Variants in CSMD1 observed in about 807,000 individuals in gnomAD.
The protein encoded by CSMD1 is CUB and sushi domain-containing protein 1.
Under a neutral mutation model 417.5 loss-of-function variants are expected in CSMD1, and 213 were observed. The ratio of observed to expected loss-of-function variants is 0.51; its 90% CI spans 0.46 to 0.57. The LOEUF is 0.57. CSMD1 is among the 20% of genes least tolerant of loss of function. The pLI is 0.00. For synonymous variants in CSMD1, 2,862 were observed against 1,736.8 expected, an observed-to-expected ratio of 1.65 and a Z score of -16.11; for missense variants, 6,923 against 4,529.7, an observed-to-expected ratio of 1.53 and a Z score of -15.17.
intron 3 of CSMD1, among the ~76,000 whole-genome samples, chr8:4,375,772 G>A (rs947625298): frequency 6.6e-6 from 1 of 152,130 alleles, no homozygotes; most frequent in Non-Finnish European, 1.5e-5. Flanking sequence ...TTTGTACAGT[G>A]ATTTCCCCCT....
intron 1 of CSMD1, among the ~76,000 whole-genome samples, chr8:4,893,816 G>C (rs1229821170): frequency 6.6e-6 from 1 of 152,060 alleles, no homozygotes; most frequent in Non-Finnish European, 1.5e-5. Context: ...TTTAGCATAT[G>C]TTGATATCTG....
chr8:4,652,672 A>G (rs892010711), intron 1 of CSMD1, among the ~76,000 whole-genome samples: 2 of 152,032 alleles, frequency 1.3e-5, no homozygotes, highest in Admixed American at 6.6e-5. Context: ...AAAAAGACAG[A>G]TTCGCCACAG....
chr8:4,132,310 C>T (rs560085245), intron 3 of CSMD1, among the ~76,000 whole-genome samples: 2 of 150,340 alleles, frequency 1.3e-5, no homozygotes, highest in Non-Finnish European at 2.9e-5. Context: ...TAAACTCAGA[C>T]TGAGCAAGAC....
intron 3 of CSMD1, among the ~76,000 whole-genome samples, chr8:4,036,821 C>G (rs1206447750): frequency 2.0e-5 from 3 of 152,238 alleles, no homozygotes; most frequent in African/African-American, 4.8e-5. Flanking sequence ...TAAATAGATT[C>G]CTGACCAGGG....
intron 3 of CSMD1, among the ~76,000 whole-genome samples, chr8:4,040,261 C>A (rs1311593747): frequency 1.3e-5 from 2 of 152,134 alleles, no homozygotes; most frequent in Non-Finnish European, 1.5e-5. Context: ...TCATAATAAC[C>A]GGAAATACTT....
intron 54 of CSMD1, among the ~76,000 whole-genome samples, chr8:2,988,560 G>T (rs1450123048): frequency 1.3e-5 from 2 of 152,106 alleles, no homozygotes; most frequent in Admixed American, 6.6e-5. Flanking sequence ...AGGGAAATAT[G>T]GGCCTCCAGG....
chr8:3,339,345 G>T (rs1051037779), intron 23 of CSMD1, among the ~76,000 whole-genome samples: 1 of 152,154 alleles, frequency 6.6e-6, no homozygotes, highest in South Asian at 2.1e-4. Context: ...TCCTGACTAT[G>T]GGTTCTCTTC....
chr8:3,335,540 G>A (rs1305523377), intron 23 of CSMD1, among the ~76,000 whole-genome samples: 1 of 152,124 alleles, frequency 6.6e-6, no homozygotes, highest in Non-Finnish European at 1.5e-5. Flanking sequence ...AGCCGGGTGT[G>A]GTGTTGGGTA....
At chr8:4,091,093 A>G (rs1290169236) in intron 3 of CSMD1, among the ~76,000 whole-genome samples, 1 of 151,734 alleles carries the variant, frequency 6.6e-6, no homozygotes, top group African/African-American at 2.4e-5. Context: ...TAATTTTTGT[A>G]ATTTTAGTAG....
chr8:4,547,479 C>T (rs1430645532), intron 2 of CSMD1, among the ~76,000 whole-genome samples: 1 of 152,182 alleles, frequency 6.6e-6, no homozygotes, highest in Non-Finnish European at 1.5e-5. Context: ...TATGCAGCAG[C>T]CCACATTTCT....
At chr8:3,284,091 T>TC in intron 26 of CSMD1, 53 bp downstream of exon 26, 1 of 1,350,636 alleles carries the variant, frequency 7.4e-7, no homozygotes, top group Non-Finnish European at 1.0e-6. Context: ...AGATCTGTGT[T>TC]CATGACAAGA....
At position 3,771,024 on chromosome 8, in the gene CSMD1, G is replaced by GTT. The variant is rs571818900; in HGVS notation, c.819-16983_819-16982insAA. Among the ~76,000 whole-genome samples, 1,265 of 151,788 alleles carry GTT rather than the reference G, an allele frequency of 8.3e-3. 21 individuals carry two copies. Among genetic ancestry groups the GTT allele is most frequent in the African/African-American group, 0.029 (1,185 of 41,334 alleles). ...TCTCTCTCTGTCAGTGTGTCTGTGT[G>GTT]TGTGTCTGCGTGCGTGTGTGTGTTT... On this transcript the variant is annotated intron_variant, in intron 5 of 69. Coordinates refer to ENST00000635120, the MANE Select transcript of CSMD1 (RefSeq NM_033225.6).
intron 3 of CSMD1, among the ~76,000 whole-genome samples, chr8:4,042,550 G>A (rs1009573890): frequency 5.3e-5 from 8 of 152,046 alleles, no homozygotes; most frequent in Admixed American, 1.3e-4. Context: ...ATATTAAAAT[G>A]AGTCATTCCA....
Position 3,408,304 on chromosome 8 carries a change from C to A in CSMD1, c.1745-79G>T, listed in dbSNP as rs889284662. On this transcript the variant is annotated intron_variant, in intron 13 of 69. Coordinates refer to ENST00000635120, the MANE Select transcript of CSMD1 (RefSeq NM_033225.6). ...CCATGTGAAACAGACAGCTAAGAAC[C>A]TGGAAAGGCAATTCATGCCTGCAAA... 3 of 1,114,694 alleles carry A rather than the reference C, an allele frequency of 2.7e-6. No homozygotes were observed. In the African/African-American group the frequency reaches 4.7e-5, roughly 18 times the overall value. 69.1% of individuals were successfully genotyped at this position (1,114,694 alleles called of 1,614,324 possible).
chr8:4,099,464 C>G (rs1213419002), intron 3 of CSMD1, among the ~76,000 whole-genome samples: 1 of 152,138 alleles, frequency 6.6e-6, no homozygotes, highest in Non-Finnish European at 1.5e-5. Flanking sequence ...AAGCCTCCAA[C>G]AATCATCTTC....
chr8:4,695,522 T>A (rs1449975595), intron 1 of CSMD1, among the ~76,000 whole-genome samples: 1 of 152,312 alleles, frequency 6.6e-6, no homozygotes, highest in South Asian at 2.1e-4. Flanking sequence ...ACGATTTCAT[T>A]TTTTACAGCA....
intron 3 of CSMD1, among the ~76,000 whole-genome samples, chr8:4,117,563 C>A (rs1802227661): frequency 6.6e-6 from 1 of 152,196 alleles, no homozygotes; most frequent in East Asian, 1.9e-4. Flanking sequence ...CAGCTAATAG[C>A]AGCTACAATA....
intron 8 of CSMD1, among the ~76,000 whole-genome samples, chr8:3,616,454 T>C (rs1451256310): frequency 3.9e-5 from 6 of 152,202 alleles, no homozygotes; most frequent in Non-Finnish European, 8.8e-5. Flanking sequence ...ATTAAACGTC[T>C]TTCCTTTATA....
chr8:3,104,390 C>A (rs578128561), intron 46 of CSMD1, among the ~76,000 whole-genome samples: 1 of 152,252 alleles, frequency 6.6e-6, no homozygotes, highest in South Asian at 2.1e-4. Context: ...GTAAGGCAAC[C>A]TAGAGGCACA....
Sources: allele counts gnomAD v4.1 joint callset (sites outside exome capture counted in the v4.1 genomes callset), GRCh38; gene constraint gnomAD v4.1.1; transcripts MANE v1.5; gene names NCBI Gene and HGNC (gene_info 2026-07-23, HGNC 2026-07-21).